MEIS1: variants seen among roughly 807,000 people sequenced by gnomAD.
MEIS1 encodes the protein Meis homeobox 1, also known as homeobox protein Meis1.
In MEIS1, 5 loss-of-function variants were observed where a neutral mutation model predicts 50.8. The ratio of observed to expected loss-of-function variants is 0.10; its 90% confidence interval spans 0.05 to 0.21. The LOEUF is 0.21. Among genes scored for constraint, MEIS1 ranks in the 10% least tolerant of loss-of-function variants. MEIS1 has a pLI of 1.00. For missense variants in MEIS1, 318 were observed against 517.3 expected (o/e 0.61, Z 3.74); for synonymous variants, 176 against 179.3 (o/e 0.98, Z 0.15).
chr2:66,476,719 G>A (rs964333197), intron 7 of MEIS1, among the ~76,000 whole-genome samples: 13 of 152,120 alleles, frequency 8.5e-5, no homozygotes, highest in Non-Finnish European at 1.8e-4. Flanking sequence ...CCCTTGTCAC[G>A]GGGCCTGAAA....
intron 6 of MEIS1, chr2:66,454,567 A>G (rs969380268): frequency 6.6e-6 from 1 of 151,668 alleles, no homozygotes; most frequent in African/African-American, 2.4e-5. Flanking sequence ...ATCTACTTTT[A>G]CTCATTATAC....
At chr2:66,492,210 A>G (rs1673291064) in intron 7 of MEIS1, among the ~76,000 whole-genome samples, 1 of 151,688 alleles carries the variant, frequency 6.6e-6, no homozygotes, top group Non-Finnish European at 1.5e-5. Flanking sequence ...ACAAGAACAG[A>G]TGAGACAGAC....
chr2:66,450,517 C>T (rs1209686445), intron 6 of MEIS1, among the ~76,000 whole-genome samples: 1 of 152,018 alleles, frequency 6.6e-6, no homozygotes, highest in Non-Finnish European at 1.5e-5. Flanking sequence ...AATAAGTTTA[C>T]GAAGTGAAAT....
chr2:66,514,893 A>T (rs1452982368), intron 8 of MEIS1, among the ~76,000 whole-genome samples: 1 of 152,162 alleles, frequency 6.6e-6, no homozygotes, highest in Non-Finnish European at 1.5e-5. Context: ...TAATATTTAT[A>T]GTAAGGAGCT....
At position 66,439,953 on chromosome 2, in the gene MEIS1, T is replaced by G; in HGVS notation, c.350T>G (p.Phe117Cys). 6.2e-7 allele frequency: 1 copy of G among 1,612,778 alleles called. No homozygotes were observed. Residue 117 changes from phenylalanine (F) to cysteine (C), a missense_variant, in exon 3 of 13, where the codon TTC (phenylalanine) becomes TGC (cysteine). Physicochemically the swap from Phe to Cys is radical, Grantham distance 205. Coordinates refer to ENST00000272369, the MANE Select transcript of MEIS1 (RefSeq NM_002398.3). ...GGGGACGTCTGCTCGTCAGAGTCAT[T>G]CAATGAAGATATAGCCGTGTTCGCC... ...AGGDVCSSES[F>C]NEDIAVFAKQ... is the part of the protein sequence containing the mutation.
intron 9 of MEIS1, among the ~76,000 whole-genome samples, chr2:66,564,344 G>A (rs1675287033): frequency 6.6e-6 from 1 of 152,124 alleles, no homozygotes; most frequent in African/African-American, 2.4e-5. Context: ...AGTACCTGTG[G>A]GCAGTTGGCT....
At position 66,571,018 on chromosome 2, in the gene MEIS1, C is replaced by T. The variant is rs183055183; in HGVS notation, c.*38-228C>T. ...TTTTAATAAATAAGACCTCAGTAGG[C>T]GGACCTGATAACAGTGACAATGAAA... On this transcript the variant is annotated intron_variant, in intron 12 of 12. Coordinates refer to ENST00000272369, the MANE Select transcript of MEIS1 (RefSeq NM_002398.3). The T allele has an allele frequency of 1.3e-4, 65 of 498,640 alleles. 1 individual carries two copies. In the East Asian group the frequency reaches 2.1e-3, roughly 16 times the overall value. 30.9% of individuals were successfully genotyped at this position (498,640 alleles called of 1,614,324 possible).
intron 7 of MEIS1, among the ~76,000 whole-genome samples, chr2:66,475,801 A>G (rs1209998633): frequency 6.6e-6 from 1 of 152,232 alleles, no homozygotes; most frequent in African/African-American, 2.4e-5. Context: ...TGCAGTTATA[A>G]TAATTGTTGA....
In MEIS1 at chr2:66,547,976, T is replaced by C. The variant is rs747798328; in HGVS notation, c.922T>C (p.Leu308=). The change falls in exon 9 of 13, where the codon TTG becomes CTG. Residue 308 remains leucine, a synonymous_variant. Coordinates refer to ENST00000272369, the MANE Select transcript of MEIS1 (RefSeq NM_002398.3). Reference sequence around the variant, plus strand: ...CCCTTCTGAAGAACAGAAAAAGCAGTTGGCACAAGACACGGGACTCACCAT... The same window carrying C: ...CCCTTCTGAAGAACAGAAAAAGCAGCTGGCACAAGACACGGGACTCACCAT... ...PYPSEEQKKQ[L]AQDTGLTILQ... The C allele has an allele frequency of 5.0e-6, 8 of 1,613,020 alleles. No homozygotes were observed. The African/African-American group carries it at 1.1e-4, about 22-fold the overall frequency.
rs1348428844 is a variant in MEIS1 at position 66,571,903 on chromosome 2, G to A, written c.*695G>A. On this transcript the variant is annotated 3_prime_UTR_variant, in exon 13 of 13. Transcript: ENST00000272369. ...AAAAAGCCTTACAGTTATCCTGCAA[G>A]GGACAGGAAGGTCTGATTTGCAGGA... The A allele has an allele frequency of 1.6e-5, 3 of 191,816 alleles. No individual in the cohort carries two copies. Among genetic ancestry groups the A allele is most frequent in the Non-Finnish European group, 3.1e-5 (3 of 96,432 alleles). 11.9% of individuals were successfully genotyped at this position (191,816 alleles called of 1,614,324 possible).
At chr2:66,474,357 TATGCTACCCTGGGAGG>T (rs1672839499) in intron 7 of MEIS1, among the ~76,000 whole-genome samples, 2 of 152,112 alleles carry the variant, frequency 1.3e-5, no homozygotes, top group African/African-American at 4.8e-5. Flanking sequence ...CAAGGGTAAC[TATGCTACCCTGGGAGG>T]ATGTTTTTAT....
chr2:66,442,264 TTTTTG>T (rs386646881), intron 5 of MEIS1, among the ~76,000 whole-genome samples: 8 of 128,466 alleles, frequency 6.2e-5, no homozygotes, highest in Non-Finnish European at 1.2e-4. Context: ...TTCCTTCTCC[TTTTTG>T]TAAAAAAAAA....
At chr2:66,527,025 A>C (rs1287277343) in intron 8 of MEIS1, among the ~76,000 whole-genome samples, 2 of 152,224 alleles carry the variant, frequency 1.3e-5, no homozygotes, top group African/African-American at 4.8e-5. Context: ...CACTTCGTTC[A>C]AAAGAGACCG....
intron 6 of MEIS1, among the ~76,000 whole-genome samples, chr2:66,453,593 C>T (rs1672324269): frequency 1.3e-5 from 2 of 152,030 alleles, no homozygotes; most frequent in South Asian, 4.2e-4. Context: ...TTAACGTTGT[C>T]AGTGGGCTTA....
intron 7 of MEIS1, among the ~76,000 whole-genome samples, chr2:66,473,378 C>CA (rs71409174): frequency 0.11 from 5,939 of 53,716 alleles, 450 homozygotes; most frequent in South Asian, 0.23. Context: ...GACTCCATGT[C>CA]AAAAAAAAAA....
intron 7 of MEIS1, among the ~76,000 whole-genome samples, chr2:66,509,518 A>G (rs1673771705): frequency 1.3e-5 from 2 of 152,244 alleles, no homozygotes; most frequent in African/African-American, 2.4e-5. Flanking sequence ...GGCTTGAGCT[A>G]ATGATGTAAT....
intron 7 of MEIS1, among the ~76,000 whole-genome samples, chr2:66,476,898 A>G (rs946815188): frequency 1.3e-5 from 2 of 151,874 alleles, no homozygotes; most frequent in Non-Finnish European, 2.9e-5. Flanking sequence ...AGGGGCATGT[A>G]AGGAAAAAAA....
rs766470535 is a variant in MEIS1, at chr2:66,534,533, T to TA, written c.889-13397dup. Among the ~76,000 whole-genome samples, 469 of 129,042 alleles carry TA rather than the reference T, an allele frequency of 3.6e-3. 1 individual carries two copies. The highest frequency in any genetic ancestry group is 0.011 in the African/African-American group (405 of 35,524). 84.7% of individuals were successfully genotyped at this position (129,042 alleles called of 152,430 possible). On this transcript the variant is annotated intron_variant, in intron 8 of 12. Coordinates refer to ENST00000272369, the MANE Select transcript of MEIS1 (RefSeq NM_002398.3). ...TGGGCAACAGAGTGAGACTCTGTCT[T>TA]AAAAAAAAAAAAATTCTTTTAAAAT... is the stretch of plus-strand genomic sequence containing the variant.
At position 66,573,523 on chromosome 2, in the gene MEIS1, A is replaced by T. The variant is rs1675519144; in HGVS notation, c.*2315A>T. The T allele has an allele frequency of 6.6e-6, 1 of 152,222 alleles. No homozygotes were observed. The highest frequency in any genetic ancestry group is 2.4e-5 in the African/African-American group (1 of 41,462). The allele number at this position is 152,222 out of a possible 1,614,324, so 9.4% of individuals were successfully genotyped here. Reference sequence around the variant, plus strand: ...CCTTAGCAATTCTATTTTCTATTCGAAAAGAGAAACCAGCTGTGGGTTGGC... The same window carrying T: ...CCTTAGCAATTCTATTTTCTATTCGTAAAGAGAAACCAGCTGTGGGTTGGC... On this transcript the variant is annotated 3_prime_UTR_variant, in exon 13 of 13. Coordinates refer to ENST00000272369, the MANE Select transcript of MEIS1 (RefSeq NM_002398.3).
Sources: gnomAD v4.1 joint callset for allele counts (sites outside exome capture counted in the v4.1 genomes callset) on GRCh38, gnomAD v4.1.1 for gene constraint, MANE v1.5 for transcripts, NCBI Gene and HGNC (gene_info 2026-07-23, HGNC 2026-07-21) for gene names.